Variants in NUP210L observed in about 807,000 individuals in gnomAD.
The protein encoded by NUP210L is nucleoporin 210 like.
NUP210L carries 74 observed loss-of-function variants against 208.5 expected under a neutral mutation model. That is an observed-to-expected ratio of 0.35 (90% CI 0.29 to 0.43). The LOEUF (loss-of-function observed/expected upper bound fraction) is 0.43. Ranked by LOEUF, NUP210L falls within the 20% of genes least tolerant of loss-of-function variation. The pLI is 1.00. For missense variants in NUP210L, 1,843 were observed against 2,289.4 expected (o/e 0.81, Z 3.98); for synonymous variants, 780 against 816.9 (o/e 0.95, Z 0.77).
intron 23 of NUP210L, among the ~76,000 whole-genome samples, chr1:154,055,484 C>G: frequency 6.6e-6 from 1 of 152,124 alleles, no homozygotes; most frequent in Non-Finnish European, 1.5e-5. Context: ...CTCCTAACCT[C>G]AGGTGATCCA....
intron 33 of NUP210L, among the ~76,000 whole-genome samples, chr1:154,013,184 T>C (rs549876813): frequency 6.6e-6 from 1 of 151,980 alleles, no homozygotes; most frequent in East Asian, 1.9e-4. Context: ...AGGCATAAAC[T>C]ACCATGCCTA....
intron 4 of NUP210L, among the ~76,000 whole-genome samples, chr1:154,140,362 AAAAAG>A (rs1436598169): frequency 3.2e-4 from 45 of 141,268 alleles, no homozygotes; most frequent in Non-Finnish European, 6.5e-4. Context: ...AAAAAAAAAA[AAAAAG>A]AAAAAGAAAA....
intron 16 of NUP210L, among the ~76,000 whole-genome samples, chr1:154,072,189 T>C (rs1007548067): frequency 1.3e-5 from 2 of 152,126 alleles, no homozygotes; most frequent in African/African-American, 2.4e-5. Context: ...TTTAGGTCTT[T>C]AAGGAATCTC....
intron 10 of NUP210L, among the ~76,000 whole-genome samples, chr1:154,120,263 T>C (rs529954583): frequency 6.6e-6 from 1 of 152,308 alleles, no homozygotes; most frequent in African/African-American, 2.4e-5. Context: ...TAAATTTGTT[T>C]GAGTTCTTTG....
intron 19 of NUP210L, 85 bp downstream of exon 19, chr1:154,060,857 G>T (rs1208648802): frequency 9.1e-6 from 7 of 771,466 alleles, no homozygotes; most frequent in African/African-American, 2.1e-5. Context: ...CAACACATAA[G>T]TAAGTTTTTT....
intron 20 of NUP210L, among the ~76,000 whole-genome samples, chr1:154,059,271 G>C (rs1472737311): frequency 6.6e-6 from 1 of 151,664 alleles, no homozygotes; most frequent in Non-Finnish European, 1.5e-5. Flanking sequence ...GGAGGTTGAG[G>C]ATGCAGGGAG....
rs141831032 is a variant in NUP210L at position 154,090,418 on chromosome 1, T to C, written c.2188-824A>G. Reference sequence around the variant, plus strand: ...GTTAATCAGACCTGAAATTACTAAATAGCTCACTCAACAAACTAGGAAATG... The same window carrying C: ...GTTAATCAGACCTGAAATTACTAAACAGCTCACTCAACAAACTAGGAAATG... On this transcript the variant is annotated intron_variant, in intron 15 of 39. Coordinates refer to ENST00000368559, the Ensembl canonical transcript of NUP210L. 7.1e-3 allele frequency among the ~76,000 whole-genome samples: 1,088 copies of C among 152,210 alleles called. 7 individuals carry two copies. Among genetic ancestry groups the C allele is most frequent in the Non-Finnish European group, 0.012 (833 of 67,996 alleles).
At chr1:154,020,702 T>C (rs1651501450) in intron 32 of NUP210L, among the ~76,000 whole-genome samples, 2 of 151,924 alleles carry the variant, frequency 1.3e-5, no homozygotes, top group African/African-American at 4.8e-5. Flanking sequence ...AATTTTTGTA[T>C]TTTTAGTAGA....
chr1:154,103,162 G>A (rs1656557905), intron 13 of NUP210L, among the ~76,000 whole-genome samples: 1 of 152,074 alleles, frequency 6.6e-6, no homozygotes, highest in Non-Finnish European at 1.5e-5. Flanking sequence ...GGGAGGCTGA[G>A]GCGGGCAGAT....
chr1:154,087,339 A>AAAG (rs1553233669), intron 16 of NUP210L, among the ~76,000 whole-genome samples: 9 of 148,962 alleles, frequency 6.0e-5, no homozygotes, highest in African/African-American at 2.0e-4. Flanking sequence ...AAAAAAAAAA[A>AAAG]GGGGCAACAT....
At chr1:154,025,210 G>A (rs1178369253) in intron 30 of NUP210L, among the ~76,000 whole-genome samples, 3 of 152,070 alleles carry the variant, frequency 2.0e-5, no homozygotes, top group Non-Finnish European at 2.9e-5. Flanking sequence ...TTACAGGCGT[G>A]AGCCACCGTG....
intron 25 of NUP210L, among the ~76,000 whole-genome samples, chr1:154,048,912 G>A (rs1490519556): frequency 6.6e-6 from 1 of 152,116 alleles, no homozygotes; most frequent in Non-Finnish European, 1.5e-5. Context: ...GTATAGCACG[G>A]CTCCTGATTG....
At chr1:154,064,991 G>A (rs1365873648) in intron 17 of NUP210L, among the ~76,000 whole-genome samples, 1 of 151,578 alleles carries the variant, frequency 6.6e-6, no homozygotes, top group Non-Finnish European at 1.5e-5. Flanking sequence ...CAGGAGAATC[G>A]CTTGAAACCG....
At chr1:153,993,976 T>C (rs1013370783) in intron 38 of NUP210L, among the ~76,000 whole-genome samples, 50 of 152,156 alleles carry the variant, frequency 3.3e-4, no homozygotes, top group Non-Finnish European at 5.7e-4. Flanking sequence ...GAATTCCCTG[T>C]CTCAAGAAAT....
chr1:154,129,333 C>T (rs564027158), exon 8 of NUP210L: 22 of 1,608,290 alleles, frequency 1.4e-5, no homozygotes, highest in African/African-American at 9.3e-5. Flanking sequence ...AGACACAGAT[C>T]GCATATGAAC....
intron 27 of NUP210L, among the ~76,000 whole-genome samples, chr1:154,043,550 G>A (rs1012365711): frequency 3.3e-5 from 5 of 150,644 alleles, no homozygotes; most frequent in African/African-American, 7.3e-5. Flanking sequence ...CCAAACTCCC[G>A]ACCTCAGGTG....
At position 154,040,795 on chromosome 1, in the gene NUP210L, G is replaced by A. The variant is rs543926200; in HGVS notation, c.3696+5274C>T. On this transcript the variant is annotated intron_variant, in intron 27 of 39. Transcript: ENST00000368559. The stretch of plus-strand genomic sequence containing the variant: ...TTTACTAGAGGTGGGGTTTCACCAT[G>A]TTAGCCAAGATGGTCTTGATCTCCT... Among the ~76,000 whole-genome samples the A allele has an allele frequency of 4.9e-4, 74 of 152,192 alleles. 1 individual carries two copies. In the South Asian group the frequency reaches 0.012, roughly 26 times the overall value.
intron 33 of NUP210L, among the ~76,000 whole-genome samples, chr1:154,016,713 G>A: frequency 6.6e-6 from 1 of 152,322 alleles, no homozygotes; most frequent in African/African-American, 2.4e-5. Flanking sequence ...GGAGGCCGAG[G>A]CAGGCCTATC....
intron 17 of NUP210L, 30 bp from the exon 18 acceptor site, chr1:154,061,704 G>A (rs1654150188): frequency 7.6e-7 from 1 of 1,318,628 alleles, no homozygotes; most frequent in African/African-American, 1.5e-5. Context: ...TACCCTGTGA[G>A]AAACAATAAC....
Sources: allele counts gnomAD v4.1 joint callset (sites outside exome capture counted in the v4.1 genomes callset), GRCh38; gene constraint gnomAD v4.1.1; transcripts MANE v1.5; gene names NCBI Gene and HGNC (gene_info 2026-07-23, HGNC 2026-07-21).